The following EYA4 variants were observed in gnomAD, a reference collection of about 807,000 sequenced individuals.
EYA4 encodes the protein protein phosphatase EYA4.
In EYA4, 31 loss-of-function variants were observed where a neutral mutation model predicts 87.9. The observed-to-expected ratio is 0.35, with a 90% CI of 0.27 to 0.48. The LOEUF (loss-of-function observed/expected upper bound fraction) is 0.48, where lower values mean the gene tolerates loss of function less well. Among genes scored for constraint, EYA4 ranks in the 20% least tolerant of loss-of-function variants. The pLI is 0.99. For synonymous variants in EYA4, 263 were observed against 270.6 expected (o/e 0.97, Z 0.28); for missense variants, 678 against 761.4 (o/e 0.89, Z 1.29).
chr6:133,410,628 G>T (rs570600494), intron 3 of EYA4, among the ~76,000 whole-genome samples: 1 of 148,696 alleles, frequency 6.7e-6, no homozygotes, highest in Non-Finnish European at 1.5e-5. Flanking sequence ...ATAGAACTAA[G>T]GTCTTAATTC....
chr6:133,339,436 A>G (rs1160808990), intron 2 of EYA4, among the ~76,000 whole-genome samples: 3 of 152,232 alleles, frequency 2.0e-5, no homozygotes, highest in Non-Finnish European at 2.9e-5. Context: ...TAGAGGTAGT[A>G]CAGAGCCATT....
chr6:133,482,423 C>A (rs914844299), intron 12 of EYA4, among the ~76,000 whole-genome samples: 1 of 152,218 alleles, frequency 6.6e-6, no homozygotes, highest in Non-Finnish European at 1.5e-5. Context: ...ACCTGCCTGT[C>A]ACTGCCATGT....
chr6:133,463,090 A>G (rs1794539994), intron 9 of EYA4, among the ~76,000 whole-genome samples: 1 of 152,176 alleles, frequency 6.6e-6, no homozygotes, highest in Admixed American at 6.6e-5. Flanking sequence ...GATCTGTAGC[A>G]CAAACCAGTA....
chr6:133,445,995 A>G (rs1347940878), intron 3 of EYA4, among the ~76,000 whole-genome samples: 1 of 152,190 alleles, frequency 6.6e-6, no homozygotes, highest in African/African-American at 2.4e-5. Flanking sequence ...CTGAATGCAT[A>G]CTAAAAGTGT....
chr6:133,337,088 C>T (rs893121891), intron 2 of EYA4, among the ~76,000 whole-genome samples: 14 of 152,266 alleles, frequency 9.2e-5, no homozygotes, highest in African/African-American at 2.4e-4. Context: ...GTGCTGACAT[C>T]GGCAGCGTAA....
chr6:133,317,221 C>T (rs759349511), intron 2 of EYA4, among the ~76,000 whole-genome samples: 3 of 152,154 alleles, frequency 2.0e-5, no homozygotes, highest in South Asian at 2.1e-4. Flanking sequence ...TTCAATAGCT[C>T]GTAGCACAAA....
intron 7 of EYA4, among the ~76,000 whole-genome samples, chr6:133,461,810 C>CT (rs11450141): frequency 0.67 from 87,515 of 129,846 alleles, 30,199 homozygotes; most frequent in South Asian, 0.79. Context: ...AATGATGTTC[C>CT]TTTTTTTTTT....
At chr6:133,521,014 G>T (rs1380173553) in intron 17 of EYA4, among the ~76,000 whole-genome samples, 1 of 151,640 alleles carries the variant, frequency 6.6e-6, no homozygotes, top group Non-Finnish European at 1.5e-5. Context: ...AAAAACCCTA[G>T]AAGAAAACCT....
chr6:133,258,667 G>T (rs1316921895), intron 1 of EYA4, among the ~76,000 whole-genome samples: 7 of 151,978 alleles, frequency 4.6e-5, no homozygotes, highest in Admixed American at 4.6e-4. Flanking sequence ...CAAGACTTAG[G>T]ACTCAGACTT....
At chr6:133,442,065 TC>T (rs1792360117) in intron 3 of EYA4, among the ~76,000 whole-genome samples, 1 of 152,076 alleles carries the variant, frequency 6.6e-6, no homozygotes, top group African/African-American at 2.4e-5. Flanking sequence ...GTGTATCTTT[TC>T]CTATAAGTTA....
At chr6:133,443,386 C>T (rs956302650) in intron 3 of EYA4, among the ~76,000 whole-genome samples, 1 of 151,944 alleles carries the variant, frequency 6.6e-6, no homozygotes, top group African/African-American at 2.4e-5. Context: ...AGGAAATTCA[C>T]TGATTTTGTG....
At chr6:133,292,751 G>T (rs1778591579) in intron 2 of EYA4, among the ~76,000 whole-genome samples, 1 of 152,136 alleles carries the variant, frequency 6.6e-6, no homozygotes, top group African/African-American at 2.4e-5. Flanking sequence ...CAGATGTCTA[G>T]ATGCATATTT....
chr6:133,264,928 C>G (rs1417492737), intron 1 of EYA4, among the ~76,000 whole-genome samples: 1 of 152,116 alleles, frequency 6.6e-6, no homozygotes, highest in Non-Finnish European at 1.5e-5. Flanking sequence ...AACTCCTGGC[C>G]TCAAGTGATC....
chr6:133,291,615 C>T (rs1744182748), intron 2 of EYA4, among the ~76,000 whole-genome samples: 1 of 152,072 alleles, frequency 6.6e-6, no homozygotes, highest in Admixed American at 6.6e-5. Flanking sequence ...CTGAAGATTC[C>T]TAAGTTCAAA....
chr6:133,405,508 G>A (rs296426), intron 3 of EYA4, among the ~76,000 whole-genome samples: 82,792 of 151,924 alleles, frequency 0.54, 27,004 homozygotes, highest in Non-Finnish European at 0.73. Context: ...AATCATTCTC[G>A]GTATTCTATA....
intron 1 of EYA4, among the ~76,000 whole-genome samples, chr6:133,271,194 A>G (rs1486184382): frequency 6.6e-6 from 1 of 152,122 alleles, no homozygotes; most frequent in Non-Finnish European, 1.5e-5. Flanking sequence ...CAGAGCGTAC[A>G]TGGCTTTCTA....
rs371913096 is a variant in EYA4 at position 133,523,083 on chromosome 6, G to A, written c.1644G>A (p.Thr548=). Residue 548 remains threonine (T), a synonymous_variant, in exon 18 of 20, where the codon ACG becomes ACA. Transcript: ENST00000355286. ...TRSNCINVLV[T]TTQLIPALAK... Reference sequence around the variant, plus strand: ...GTAACTGCATAAATGTCTTGGTAACGACAACTCAACTGATCCCAGCACTTG... The same window carrying A: ...GTAACTGCATAAATGTCTTGGTAACAACAACTCAACTGATCCCAGCACTTG... 32 of 1,612,252 alleles carry A rather than the reference G, an allele frequency of 2.0e-5. No homozygotes were observed. The highest frequency in any genetic ancestry group is 2.4e-5 in the Non-Finnish European group (28 of 1,178,632).
At chr6:133,309,583 A>G (rs578123828) in intron 2 of EYA4, among the ~76,000 whole-genome samples, 4 of 152,204 alleles carry the variant, frequency 2.6e-5, no homozygotes, top group South Asian at 4.1e-4. Context: ...AGTGGTTTTC[A>G]TTAATTTGCT....
intron 3 of EYA4, among the ~76,000 whole-genome samples, chr6:133,390,680 C>T (rs142793923): frequency 2.0e-5 from 3 of 152,314 alleles, no homozygotes; most frequent in Non-Finnish European, 4.4e-5. Context: ...TTTCCATCTC[C>T]CCTGCTGTCT....
Sources: gnomAD v4.1 joint callset for allele counts (sites outside exome capture counted in the v4.1 genomes callset) on GRCh38, gnomAD v4.1.1 for gene constraint, MANE v1.5 for transcripts, NCBI Gene and HGNC (gene_info 2026-07-23, HGNC 2026-07-21) for gene names.